The following TAFA2 variants were observed in gnomAD, a reference collection of about 807,000 sequenced individuals.
TAFA2 encodes the protein TAFA chemokine like family member 2.
In TAFA2, 7 loss-of-function variants were observed where a neutral mutation model predicts 18.8. That is an observed-to-expected ratio of 0.37 (90% CI 0.21 to 0.70). The LOEUF is 0.70. Among genes scored for constraint, TAFA2 ranks in the 30% least tolerant of loss-of-function variants. The pLI is 0.53. For missense variants in TAFA2, 122 were observed against 158.1 expected, an observed-to-expected ratio of 0.77 and a Z score of 1.23; for synonymous variants, 60 against 54.2, an observed-to-expected ratio of 1.11 and a Z score of -0.47.
rs1356507556 is a variant in TAFA2, at chr12:62,043,525, A to T, written c.-2+147734T>A. On this transcript the variant is annotated intron_variant, in intron 1 of 4. Transcript: ENST00000416284. Reference sequence around the variant, plus strand: ...TACACCTAATGTTAAATGGCGAGTTAATGGGTGCAGCACACCAACATGGCA... The same window carrying T: ...TACACCTAATGTTAAATGGCGAGTTTATGGGTGCAGCACACCAACATGGCA... Among the ~76,000 whole-genome samples the T allele has an allele frequency of 2.0e-5, 3 of 152,130 alleles. No individual in the cohort carries two copies. In the East Asian group the frequency reaches 5.8e-4, roughly 29 times the overall value.
chr12:62,234,560 G>A (rs750752770), intron 1 of TAFA2: 40 of 831,828 alleles, frequency 4.8e-5, no homozygotes, highest in Admixed American at 1.0e-4. Flanking sequence ...TGTCATCTAC[G>A]CTCATTAGAA....
At chr12:62,248,441 A>C (rs117238783) in intron 1 of TAFA2, among the ~76,000 whole-genome samples, 2,077 of 152,358 alleles carry the variant, frequency 0.014, 18 homozygotes, top group Non-Finnish European at 0.02. Flanking sequence ...CTCCCTGTGC[A>C]CAATGGCCTG....
At chr12:62,077,651 T>C (rs1390797385) in intron 1 of TAFA2, among the ~76,000 whole-genome samples, 1 of 152,190 alleles carries the variant, frequency 6.6e-6, no homozygotes, top group Non-Finnish European at 1.5e-5. Flanking sequence ...GCTGCCAGTA[T>C]ACCACTTTGT....
intron 4 of TAFA2, among the ~76,000 whole-genome samples, chr12:61,719,972 A>G (rs1453052904): frequency 2.6e-5 from 4 of 152,170 alleles, no homozygotes; most frequent in African/African-American, 9.6e-5. Context: ...ATTTCAAACT[A>G]AAATCCATTT....
At chr12:61,835,338 C>T (rs558116273) in intron 2 of TAFA2, among the ~76,000 whole-genome samples, 10 of 151,938 alleles carry the variant, frequency 6.6e-5, no homozygotes, top group African/African-American at 9.7e-5. Context: ...TGAGCACTTT[C>T]CATGTTCTTT....
chr12:62,043,466 G>T (rs1881819747), intron 1 of TAFA2, among the ~76,000 whole-genome samples: 1 of 151,892 alleles, frequency 6.6e-6, no homozygotes, highest in South Asian at 2.1e-4. Flanking sequence ...ACTGTTGTGA[G>T]GTGGGGGTAG....
chr12:61,988,453 A>G (rs768502391), intron 1 of TAFA2, among the ~76,000 whole-genome samples: 69 of 152,194 alleles, frequency 4.5e-4, no homozygotes, highest in Non-Finnish European at 8.2e-4. Flanking sequence ...ATATAGAAAG[A>G]CAAACTCTGC....
At chr12:62,199,951 T>C (rs944395415) in intron 1 of TAFA2, among the ~76,000 whole-genome samples, 1 of 152,124 alleles carries the variant, frequency 6.6e-6, no homozygotes, top group Non-Finnish European at 1.5e-5. Flanking sequence ...ACTATTCTGA[T>C]TGGTGTGAGA....
At chr12:61,762,951 A>C (rs1335603060) in intron 2 of TAFA2, among the ~76,000 whole-genome samples, 1 of 152,064 alleles carries the variant, frequency 6.6e-6, no homozygotes, top group Non-Finnish European at 1.5e-5. Flanking sequence ...TAGGCAACTG[A>C]AATGCGAGCT....
intron 1 of TAFA2, among the ~76,000 whole-genome samples, chr12:61,969,683 A>G (rs1879179827): frequency 6.6e-6 from 1 of 151,858 alleles, no homozygotes; most frequent in South Asian, 2.1e-4. Flanking sequence ...TGTGGTAAAT[A>G]CATTTTTTTA....
intron 4 of TAFA2, among the ~76,000 whole-genome samples, chr12:61,726,112 A>C (rs1282402479): frequency 6.6e-6 from 1 of 151,936 alleles, no homozygotes; most frequent in East Asian, 1.9e-4. Context: ...TTGTTCTAAA[A>C]TATAGAAATG....
rs181672770 is a variant in TAFA2, at chr12:62,177,144, C to T, written c.-2+14115G>A. On this transcript the variant is annotated intron_variant, in intron 1 of 4. Coordinates refer to ENST00000416284, the MANE Select transcript of TAFA2 (RefSeq NM_178539.5). Reference sequence around the variant, plus strand: ...AAAGCAAAGACAACAGGGGGGAAACCTTCATCCCTTCAGAGTGTTCCTGTC... The same window carrying T: ...AAAGCAAAGACAACAGGGGGGAAACTTTCATCCCTTCAGAGTGTTCCTGTC... Among the ~76,000 whole-genome samples, 108 of 152,368 alleles carry T rather than the reference C, an allele frequency of 7.1e-4. 1 individual carries two copies. The highest frequency in any genetic ancestry group is 2.4e-3 in the African/African-American group (99 of 41,596).
chr12:62,051,099 G>GA (rs1028109266), intron 1 of TAFA2, among the ~76,000 whole-genome samples: 2 of 152,030 alleles, frequency 1.3e-5, no homozygotes, highest in African/African-American at 4.8e-5. Flanking sequence ...TATACCAGAG[G>GA]AAAAAAATTC....
intron 1 of TAFA2, among the ~76,000 whole-genome samples, chr12:62,220,204 A>G (rs1028969660): frequency 6.6e-6 from 1 of 152,168 alleles, no homozygotes; most frequent in Non-Finnish European, 1.5e-5. Context: ...AGGAAAAATC[A>G]TTTTAAAAAC....
chr12:62,037,734 C>A (rs536411676), intron 1 of TAFA2, among the ~76,000 whole-genome samples: 1 of 152,210 alleles, frequency 6.6e-6, no homozygotes, highest in African/African-American at 2.4e-5. Flanking sequence ...ACTTTATAGA[C>A]CAGAGCAATA....
chr12:62,088,011 T>C (rs1469142691), intron 1 of TAFA2, among the ~76,000 whole-genome samples: 1 of 152,062 alleles, frequency 6.6e-6, no homozygotes, highest in Non-Finnish European at 1.5e-5. Flanking sequence ...GTGCCCTGTA[T>C]GGTTAGTATC....
chr12:61,850,466 T>C lies in TAFA2; in HGVS notation c.106+16854A>G, dbSNP rs1237358228. On this transcript the variant is annotated intron_variant, in intron 2 of 4. Transcript: ENST00000416284. ...ACTAAATACCTGGAAACAAATACTT[T>C]TCAATTAATGAATTGTGCATGATCA... Among the ~76,000 whole-genome samples, 16 of 152,052 alleles carry C rather than the reference T, an allele frequency of 1.1e-4. 1 individual carries two copies. The highest frequency in any genetic ancestry group is 9.8e-4 in the Admixed American group (15 of 15,276).
chr12:61,778,371 T>G (rs1592382532), intron 2 of TAFA2, among the ~76,000 whole-genome samples: 1 of 151,870 alleles, frequency 6.6e-6, no homozygotes, highest in South Asian at 2.1e-4. Flanking sequence ...TCCATCTGGC[T>G]TCTCACCTGG....
Position 62,140,403 on chromosome 12 carries a change from C to T in TAFA2, c.-2+50856G>A, listed in dbSNP as rs546401970. On this transcript the variant is annotated intron_variant, in intron 1 of 4. Transcript: ENST00000416284. ...TGCTGCAGGTCAAGGCCTTCTGGTG[C>T]TATCCATATCTGGTGACCAAGCAAG... The T allele has an allele frequency of 2.0e-5, 3 of 152,312 alleles. No individual in the cohort carries two copies. In the South Asian group the frequency reaches 6.2e-4, roughly 32 times the overall value. 9.4% of individuals were successfully genotyped at this position (152,312 alleles called of 1,614,324 possible).
Sources: gnomAD v4.1 joint callset for allele counts (sites outside exome capture counted in the v4.1 genomes callset) on GRCh38, gnomAD v4.1.1 for gene constraint, MANE v1.5 for transcripts, NCBI Gene and HGNC (gene_info 2026-07-23, HGNC 2026-07-21) for gene names.